Variants in ADGRB3 observed in about 807,000 individuals in gnomAD.
ADGRB3 encodes adhesion G protein-coupled receptor B3, also known as brain-specific angiogenesis inhibitor 3.
A neutral mutation model predicts 193.4 loss-of-function variants in ADGRB3; 37 were observed. The ratio of observed to expected loss-of-function variants is 0.19; its 90% CI spans 0.15 to 0.25. The LOEUF (loss-of-function observed/expected upper bound fraction) is 0.25, where lower values mean the gene tolerates loss of function less well. ADGRB3 is among the 10% of genes least tolerant of loss of function. ADGRB3 has a pLI of 1.00. For missense variants in ADGRB3, 1,637 were observed against 1,852.9 expected (o/e 0.88, Z 2.14); for synonymous variants, 690 against 644.2 (o/e 1.07, Z -1.08).
intron 3 of ADGRB3, among the ~76,000 whole-genome samples, chr6:68,723,406 G>C (rs543423025): frequency 6.6e-6 from 1 of 151,790 alleles, no homozygotes; most frequent in South Asian, 2.1e-4. Flanking sequence ...TATGACTTCT[G>C]TCTTACCTGG....
intron 3 of ADGRB3, among the ~76,000 whole-genome samples, chr6:68,707,136 T>A (rs1202598557): frequency 6.6e-6 from 1 of 151,566 alleles, no homozygotes; most frequent in Non-Finnish European, 1.5e-5. Flanking sequence ...AAAAAGATTG[T>A]TTTGATGGAA....
chr6:69,342,446 G>A (rs1582644171), intron 26 of ADGRB3, among the ~76,000 whole-genome samples: 1 of 151,912 alleles, frequency 6.6e-6, no homozygotes, highest in East Asian at 1.9e-4. Context: ...AATTCCTAGA[G>A]GAAGATTTCA....
chr6:68,989,824 G>T (rs1340876342), intron 10 of ADGRB3, among the ~76,000 whole-genome samples: 1 of 152,020 alleles, frequency 6.6e-6, no homozygotes, highest in South Asian at 2.1e-4. Context: ...AAAGTTGTTG[G>T]GCTCAAACCA....
intron 10 of ADGRB3, among the ~76,000 whole-genome samples, chr6:68,976,490 A>G (rs2150266386): frequency 6.6e-6 from 1 of 152,294 alleles, no homozygotes; most frequent in South Asian, 2.1e-4. Flanking sequence ...TCGAAAATCC[A>G]TATGTAACTT....
chr6:69,158,474 G>A (rs567562571), intron 17 of ADGRB3, among the ~76,000 whole-genome samples: 275 of 151,146 alleles, frequency 1.8e-3, no homozygotes, highest in African/African-American at 6.2e-3. Context: ...GGCTTAAGCA[G>A]TCTCAGAATC....
chr6:69,093,399 G>T (rs894692097), intron 17 of ADGRB3, among the ~76,000 whole-genome samples: 1 of 151,916 alleles, frequency 6.6e-6, no homozygotes, highest in African/African-American at 2.4e-5. Flanking sequence ...GAGTCATGTA[G>T]CCTGGGTTCA....
At chr6:68,642,210 T>C (rs1453035920) in intron 3 of ADGRB3, among the ~76,000 whole-genome samples, 1 of 152,164 alleles carries the variant, frequency 6.6e-6, no homozygotes, top group Non-Finnish European at 1.5e-5. Context: ...CAACATGTAT[T>C]GTACCATAGA....
intron 3 of ADGRB3, among the ~76,000 whole-genome samples, chr6:68,639,835 T>G (rs1010638746): frequency 6.6e-6 from 1 of 152,094 alleles, no homozygotes; most frequent in African/African-American, 2.4e-5. Context: ...CAGCAAAACG[T>G]CCACTTTACT....
At chr6:68,737,703 C>T (rs1440444081) in intron 3 of ADGRB3, among the ~76,000 whole-genome samples, 8 of 152,090 alleles carry the variant, frequency 5.3e-5, no homozygotes, top group Non-Finnish European at 8.8e-5. Flanking sequence ...CTTGTAATCT[C>T]GTCGTTCTCA....
intron 27 of ADGRB3, among the ~76,000 whole-genome samples, chr6:69,355,061 CT>C (rs1769310111): frequency 6.6e-6 from 1 of 152,002 alleles, no homozygotes; most frequent in South Asian, 2.1e-4. Context: ...GTAACTAAGA[CT>C]TTACAAAGAA....
rs532593238 is a variant in ADGRB3 at position 69,176,114 on chromosome 6, T to A, written c.2481-57176T>A. 3.3e-5 allele frequency among the ~76,000 whole-genome samples: 5 copies of A among 152,332 alleles called. No homozygotes were observed. In the South Asian group the frequency reaches 1.0e-3, roughly 32 times the overall value. ...AGAGTTGACTTCTTCTTTTTCTATT[T>A]GGATGCCTTTTATTTTTTTCTTCTC... On this transcript the variant is annotated intron_variant, in intron 17 of 31. Transcript: ENST00000370598.
chr6:68,708,845 CTTTTG>C (rs1490260009), intron 3 of ADGRB3, among the ~76,000 whole-genome samples: 1 of 151,880 alleles, frequency 6.6e-6, no homozygotes, highest in Non-Finnish European at 1.5e-5. Flanking sequence ...TGAAAATGAG[CTTTTG>C]TTTTGATTTT....
At chr6:68,758,845 A>G (rs1002741273) in intron 3 of ADGRB3, among the ~76,000 whole-genome samples, 1 of 152,102 alleles carries the variant, frequency 6.6e-6, no homozygotes, top group African/African-American at 2.4e-5. Context: ...CCTTCTCCCA[A>G]TCCTAAAAAC....
chr6:69,156,093 C>G (rs1358764232), intron 17 of ADGRB3, among the ~76,000 whole-genome samples: 1 of 151,938 alleles, frequency 6.6e-6, no homozygotes, highest in Non-Finnish European at 1.5e-5. Flanking sequence ...ATTAATTAAG[C>G]CCAAAATATT....
At chr6:69,276,356 G>A (rs1767303009) in intron 20 of ADGRB3, among the ~76,000 whole-genome samples, 1 of 152,212 alleles carries the variant, frequency 6.6e-6, no homozygotes, top group Non-Finnish European at 1.5e-5. Context: ...TATGAATTCA[G>A]TCTGTGGTCA....
At position 68,749,849 on chromosome 6, in the gene ADGRB3, T is replaced by A. The variant is rs1287908806; in HGVS notation, c.757+110417T>A. Among the ~76,000 whole-genome samples, 3 of 152,188 alleles carry A rather than the reference T, an allele frequency of 2.0e-5. No homozygotes were observed. The East Asian group carries it at 5.8e-4, about 29-fold the overall frequency. On this transcript the variant is annotated intron_variant, in intron 3 of 31. Coordinates refer to ENST00000370598, the MANE Select transcript of ADGRB3 (RefSeq NM_001704.3). ...TCAATAAGTATATTGATGGTCATAT[T>A]GATGACACTACAATAATGTAGGATC...
chr6:68,994,171 T>C (rs1769320394), intron 11 of ADGRB3, among the ~76,000 whole-genome samples: 1 of 152,062 alleles, frequency 6.6e-6, no homozygotes, highest in Non-Finnish European at 1.5e-5. Context: ...ATATTACACC[T>C]CAAGGAGATA....
chr6:68,920,798 A>C lies in ADGRB3; in HGVS notation c.758-9761A>C, dbSNP rs138980229. Among the ~76,000 whole-genome samples the C allele has an allele frequency of 6.7e-3, 1,019 of 152,274 alleles. 29 individuals carry two copies. The highest frequency in any genetic ancestry group is 0.048 in the Admixed American group (734 of 15,296). ...AAGAAGACAAATGAAGAAACTAAAA[A>C]AAAATCTAATAGTTAAATCTAAATT... is the stretch of plus-strand genomic sequence containing the variant. On this transcript the variant is annotated intron_variant, in intron 3 of 31. Transcript: ENST00000370598.
intron 23 of ADGRB3, chr6:69,332,421 C>T (rs1768750645): frequency 1.0e-6 from 1 of 985,246 alleles, no homozygotes. Flanking sequence ...GCTCCCCTTC[C>T]ACAGAAAAGA....
Sources: gnomAD v4.1 joint callset for allele counts (sites outside exome capture counted in the v4.1 genomes callset) on GRCh38, gnomAD v4.1.1 for gene constraint, MANE v1.5 for transcripts, NCBI Gene and HGNC (gene_info 2026-07-23, HGNC 2026-07-21) for gene names.